Variants in DACH1 observed in about 807,000 individuals in gnomAD.
DACH1 encodes the protein dachshund homolog 1.
A neutral mutation model predicts 54.2 loss-of-function variants in DACH1; 12 were observed. The ratio of observed to expected loss-of-function variants is 0.22; its 90% confidence interval spans 0.14 to 0.36. The LOEUF (loss-of-function observed/expected upper bound fraction) is 0.36, where lower values mean the gene tolerates loss of function less well. Among genes scored for constraint, DACH1 ranks in the 10% least tolerant of loss-of-function variants. The probability of loss-of-function intolerance (pLI) is 1.00; values close to 1 mark genes in which losing one functional copy is unlikely to be tolerated. For synonymous variants in DACH1, 386 were observed against 366.2 expected, an observed-to-expected ratio of 1.05 and a Z score of -0.62; for missense variants, 805 against 929.8, an observed-to-expected ratio of 0.87 and a Z score of 1.75.
intron 3 of DACH1, among the ~76,000 whole-genome samples, chr13:71,608,809 AG>A (rs1236380510): frequency 6.6e-6 from 1 of 152,124 alleles, no homozygotes; most frequent in African/African-American, 2.4e-5. Context: ...ATAGGAGAAT[AG>A]GAGCTTTTGC....
intron 1 of DACH1, among the ~76,000 whole-genome samples, chr13:71,834,983 T>G (rs1056412954): frequency 4.6e-5 from 7 of 152,020 alleles, no homozygotes; most frequent in Non-Finnish European, 1.0e-4. Context: ...AAATTTAGTG[T>G]TGAGGCTCAG....
intron 1 of DACH1, among the ~76,000 whole-genome samples, chr13:71,695,909 C>T (rs1248999474): frequency 6.6e-6 from 1 of 152,120 alleles, no homozygotes; most frequent in Non-Finnish European, 1.5e-5. Context: ...TAAAATAGGG[C>T]CTTCACAGAT....
At chr13:71,536,974 A>G (rs1461548907) in intron 6 of DACH1, among the ~76,000 whole-genome samples, 1 of 152,088 alleles carries the variant, frequency 6.6e-6, no homozygotes, top group African/African-American at 2.4e-5. Context: ...TATATTTTCA[A>G]TGCAAAAATC....
intron 1 of DACH1, among the ~76,000 whole-genome samples, chr13:71,778,134 A>C (rs1014087156): frequency 1.3e-5 from 2 of 150,886 alleles, no homozygotes; most frequent in African/African-American, 2.4e-5. Context: ...AAATAAATAA[A>C]TAAATAAAAC....
At chr13:71,751,051 A>G (rs1045687305) in intron 1 of DACH1, among the ~76,000 whole-genome samples, 15 of 152,354 alleles carry the variant, frequency 9.8e-5, no homozygotes, top group Non-Finnish European at 2.1e-4. Flanking sequence ...ACTAACCAGC[A>G]TTATAAATGG....
At chr13:71,836,233 G>A (rs1888777864) in intron 1 of DACH1, among the ~76,000 whole-genome samples, 1 of 151,682 alleles carries the variant, frequency 6.6e-6, no homozygotes, top group Non-Finnish European at 1.5e-5. Context: ...GTCCCATTTG[G>A]TAGGCTATGA....
At chr13:71,562,172 A>T (rs1884625747) in intron 4 of DACH1, among the ~76,000 whole-genome samples, 1 of 152,158 alleles carries the variant, frequency 6.6e-6, no homozygotes, top group African/African-American at 2.4e-5. Context: ...CAGAAGGCAG[A>T]CGTATTGTTA....
In DACH1 at chr13:71,616,799, C is replaced by T. The variant is rs192602011; in HGVS notation, c.1126+13757G>A. On this transcript the variant is annotated intron_variant, in intron 3 of 10. Transcript: ENST00000613252. ...CAGAATAGTGTAAAAGTGGGAATAT[C>T]TATATATATACATAGAAAGAGAGAG... Among the ~76,000 whole-genome samples the T allele has an allele frequency of 3.2e-3, 482 of 150,060 alleles. 5 individuals are homozygous for T. The highest frequency in any genetic ancestry group is 0.014 in the Middle Eastern group (4 of 286).
chr13:71,809,534 A>T (rs1190867033), intron 1 of DACH1, among the ~76,000 whole-genome samples: 1 of 152,242 alleles, frequency 6.6e-6, no homozygotes, highest in Non-Finnish European at 1.5e-5. Flanking sequence ...GGTGCCACAA[A>T]TTAATAAGTA....
At chr13:71,731,848 G>A (rs1478733748) in intron 1 of DACH1, among the ~76,000 whole-genome samples, 2 of 152,090 alleles carry the variant, frequency 1.3e-5, no homozygotes, top group Non-Finnish European at 1.5e-5. Context: ...AGGATCCAAT[G>A]GAATAACTAG....
intron 7 of DACH1, among the ~76,000 whole-genome samples, chr13:71,481,167 T>C (rs1390613483): frequency 6.6e-6 from 1 of 152,244 alleles, no homozygotes; most frequent in Non-Finnish European, 1.5e-5. Flanking sequence ...TCTGCTCTGA[T>C]TGCTCTTGTT....
intron 3 of DACH1, among the ~76,000 whole-genome samples, chr13:71,579,939 T>C (rs1186472332): frequency 6.6e-6 from 1 of 152,168 alleles, no homozygotes; most frequent in East Asian, 1.9e-4. Flanking sequence ...GGGTAAATAG[T>C]TACATAGATT....
chr13:71,731,281 C>T (rs1412484765), intron 1 of DACH1, among the ~76,000 whole-genome samples: 1 of 146,848 alleles, frequency 6.8e-6, no homozygotes, highest in East Asian at 2.0e-4. Context: ...TCCTTGGTTT[C>T]TTGATCTTCT....
chr13:71,807,173 T>A (rs1887535017), intron 1 of DACH1, among the ~76,000 whole-genome samples: 1 of 152,154 alleles, frequency 6.6e-6, no homozygotes, highest in Admixed American at 6.5e-5. Flanking sequence ...GCACAAGTAA[T>A]ATTTGTGCTA....
intron 4 of DACH1, among the ~76,000 whole-genome samples, chr13:71,563,023 T>TA (rs971631506): frequency 3.9e-5 from 6 of 152,190 alleles, no homozygotes; most frequent in African/African-American, 1.4e-4. Context: ...TGTCCAGAGA[T>TA]ATACTCTTAA....
chr13:71,528,279 C>A (rs1003977012), intron 6 of DACH1, among the ~76,000 whole-genome samples: 4 of 152,068 alleles, frequency 2.6e-5, no homozygotes, highest in Non-Finnish European at 5.9e-5. Flanking sequence ...AATAAAGTTT[C>A]TATAGATGAG....
chr13:71,530,726 T>C (rs1214628896), intron 6 of DACH1, among the ~76,000 whole-genome samples: 1 of 152,184 alleles, frequency 6.6e-6, no homozygotes, highest in Admixed American at 6.6e-5. Flanking sequence ...TGAATTAAGA[T>C]AATCATATCC....
chr13:71,832,817 A>G (rs1445134730), intron 1 of DACH1, among the ~76,000 whole-genome samples: 1 of 151,904 alleles, frequency 6.6e-6, no homozygotes. Flanking sequence ...TTTCAATTGT[A>G]TTTAAGTTAA....
intron 6 of DACH1, among the ~76,000 whole-genome samples, chr13:71,554,985 A>G (rs1884145501): frequency 6.6e-6 from 1 of 152,164 alleles, no homozygotes; most frequent in Non-Finnish European, 1.5e-5. Flanking sequence ...CAATTCTAGT[A>G]CTGGTCATTC....
Sources: allele counts gnomAD v4.1 joint callset (sites outside exome capture counted in the v4.1 genomes callset), GRCh38; gene constraint gnomAD v4.1.1; transcripts MANE v1.5; gene names NCBI Gene and HGNC (gene_info 2026-07-23, HGNC 2026-07-21).